CHST8: variants seen among roughly 807,000 people sequenced by gnomAD.
CHST8 encodes the protein carbohydrate sulfotransferase 8, also known as GALNAC-4-ST1.
In CHST8, 10 loss-of-function variants were observed where a neutral mutation model predicts 15.0. The observed-to-expected ratio is 0.67, with a 90% CI of 0.41 to 1.13. The LOEUF is 1.13. CHST8 is among the 50% of genes most tolerant of loss of function. The probability of loss-of-function intolerance (pLI) is 0.00; values close to 1 mark genes in which losing one functional copy is unlikely to be tolerated. For synonymous variants in CHST8, 259 were observed against 256.6 expected, an observed-to-expected ratio of 1.01 and a Z score of -0.09; for missense variants, 634 against 608.2, an observed-to-expected ratio of 1.04 and a Z score of -0.45.
At chr19:33,704,945 C>T (rs1973418546) in intron 3 of CHST8, among the ~76,000 whole-genome samples, 1 of 150,538 alleles carries the variant, frequency 6.6e-6, no homozygotes, top group Non-Finnish European at 1.5e-5. Context: ...CGGTAACATA[C>T]ATTTATGTGG....
chr19:33,762,681 G>T (rs1974759401), intron 3 of CHST8, among the ~76,000 whole-genome samples: 1 of 152,202 alleles, frequency 6.6e-6, no homozygotes, highest in South Asian at 2.1e-4. Flanking sequence ...CAACCAATGG[G>T]CTCTGGCTCT....
chr19:33,636,826 G>A (rs1972210081), intron 1 of CHST8, among the ~76,000 whole-genome samples: 1 of 152,106 alleles, frequency 6.6e-6, no homozygotes, highest in African/African-American at 2.4e-5. Flanking sequence ...GCTTGAACCC[G>A]GGAGGCGAAG....
chr19:33,679,355 T>C (rs986285545), intron 2 of CHST8, among the ~76,000 whole-genome samples: 6 of 152,218 alleles, frequency 3.9e-5, no homozygotes, highest in Admixed American at 1.3e-4. Flanking sequence ...CTTGGCAGGA[T>C]CCAGCAGCTC....
intron 3 of CHST8, among the ~76,000 whole-genome samples, chr19:33,767,746 C>T (rs575335786): frequency 1.2e-3 from 187 of 152,106 alleles, no homozygotes; most frequent in African/African-American, 4.3e-3. Flanking sequence ...GTGGGGTGTG[C>T]GTGGTTGGTC....
chr19:33,720,530 G>A (rs1304538385), intron 3 of CHST8, among the ~76,000 whole-genome samples: 2 of 152,162 alleles, frequency 1.3e-5, no homozygotes, highest in Non-Finnish European at 2.9e-5. Context: ...CACACGGAAT[G>A]CATGTAGCAA....
rs78329029 is a variant in CHST8 at position 33,695,512 on chromosome 19, G to A, written c.130+6121G>A. Among the ~76,000 whole-genome samples, 223 of 152,148 alleles carry A rather than the reference G, an allele frequency of 1.5e-3. 2 individuals are homozygous for A. Among genetic ancestry groups the A allele is most frequent in the African/African-American group, 2.7e-3 (112 of 41,494 alleles). ...TTAGGAGATTTTAGGGCACCCATTC[G>A]TCACCCAAGCAGTGTACACCATACC... is the stretch of plus-strand genomic sequence containing the variant. On this transcript the variant is annotated intron_variant, in intron 3 of 4. Coordinates refer to ENST00000650847, the MANE Select transcript of CHST8 (RefSeq NM_001127895.2).
At chr19:33,765,778 C>A (rs878952977) in intron 3 of CHST8, among the ~76,000 whole-genome samples, 13 of 152,176 alleles carry the variant, frequency 8.5e-5, no homozygotes, top group Non-Finnish European at 1.5e-4. Context: ...CCAGGATGGT[C>A]TTGATCTCTT....
intron 3 of CHST8, among the ~76,000 whole-genome samples, chr19:33,764,840 C>T (rs1233690979): frequency 6.6e-6 from 1 of 151,948 alleles, no homozygotes; most frequent in African/African-American, 2.4e-5. Flanking sequence ...ATCCTTCACC[C>T]CCTTCCCACC....
At chr19:33,634,025 G>A (rs1455449830) in intron 1 of CHST8, among the ~76,000 whole-genome samples, 1 of 151,836 alleles carries the variant, frequency 6.6e-6, no homozygotes, top group Non-Finnish European at 1.5e-5. Flanking sequence ...TCCCCATGTT[G>A]TCCAGGCTGG....
intron 3 of CHST8, among the ~76,000 whole-genome samples, chr19:33,698,776 G>A (rs568301859): frequency 1.3e-5 from 2 of 152,202 alleles, no homozygotes; most frequent in African/African-American, 4.8e-5. Flanking sequence ...CTCCTCCACC[G>A]AGGGGTGTCC....
At chr19:33,703,154 C>A (rs73926590) in intron 3 of CHST8, among the ~76,000 whole-genome samples, 18,373 of 152,216 alleles carry the variant, frequency 0.12, 1,793 homozygotes, top group African/African-American at 0.27. Context: ...CAAAGAGGCC[C>A]GAGGTAGGGG....
At chr19:33,654,334 A>G (rs1311867117) in intron 1 of CHST8, among the ~76,000 whole-genome samples, 1 of 151,992 alleles carries the variant, frequency 6.6e-6, no homozygotes, top group Admixed American at 6.6e-5. Context: ...CTCATCTTGG[A>G]TTCTAGTCTT....
chr19:33,657,619 G>A lies in CHST8; in HGVS notation c.-163-10148G>A, dbSNP rs193017621. 1.9e-3 allele frequency among the ~76,000 whole-genome samples: 288 copies of A among 151,906 alleles called. 5 individuals carry two copies. The East Asian group carries it at 0.025, about 13-fold the overall frequency. The stretch of plus-strand genomic sequence containing the variant: ...AAGTCTTGCTCTGTTGCTCAGGCTG[G>A]AATGTAGTGGTGCAATCATAGCTCA... On this transcript the variant is annotated intron_variant, in intron 1 of 4. Transcript: ENST00000650847.
At chr19:33,694,416 A>T (rs1242605715) in intron 3 of CHST8, among the ~76,000 whole-genome samples, 4 of 151,160 alleles carry the variant, frequency 2.6e-5, no homozygotes, top group African/African-American at 4.9e-5. Flanking sequence ...GACAGCAAAG[A>T]TCCCCCTCAG....
chr19:33,712,913 T>C (rs1973587074), intron 3 of CHST8, among the ~76,000 whole-genome samples: 1 of 152,156 alleles, frequency 6.6e-6, no homozygotes, highest in Non-Finnish European at 1.5e-5. Flanking sequence ...CATCTTCACT[T>C]TCAGGGACGT....
Position 33,772,770 on chromosome 19 carries a change from T to G in CHST8, c.982T>G (p.Trp328Gly). 3 of 1,613,436 alleles carry G rather than the reference T, an allele frequency of 1.9e-6. No individual in the cohort carries two copies. Among genetic ancestry groups the G allele is most frequent in the Non-Finnish European group, 2.5e-6 (3 of 1,180,028 alleles). ...CCGGCCCGTGGGGATGGACATTCACTGGGACCATGTCAGCCGGCTCTGCAG... is the reference window on the plus strand; with the variant it reads ...CCGGCCCGTGGGGATGGACATTCACGGGGACCATGTCAGCCGGCTCTGCAG... ...VHRPVGMDIHWDHVSRLCSPC... is the reference protein window; with the variant it reads ...VHRPVGMDIHGDHVSRLCSPC... Residue 328 changes from tryptophan to glycine, a missense_variant, in exon 5 of 5, where the codon TGG (tryptophan) becomes GGG (glycine). Transcript: ENST00000650847.
rs1031659996 is a variant in CHST8, at chr19:33,708,177, G to C, written c.130+18786G>C. Among the ~76,000 whole-genome samples the C allele has an allele frequency of 2.0e-5, 3 of 152,150 alleles. No individual in the cohort carries two copies. The South Asian group carries it at 6.2e-4, about 31-fold the overall frequency. ...GACTTGCAAATAACTTATCCCATCT[G>C]TGGCTTGTCTTTTCATTTTCTTAAT... On this transcript the variant is annotated intron_variant, in intron 3 of 4. Coordinates refer to ENST00000650847, the MANE Select transcript of CHST8 (RefSeq NM_001127895.2).
chr19:33,646,554 T>C (rs1972358632), intron 1 of CHST8, among the ~76,000 whole-genome samples: 1 of 152,216 alleles, frequency 6.6e-6, no homozygotes, highest in Middle Eastern at 3.2e-3. Flanking sequence ...TTCACAAAGG[T>C]GGCTTTAGTC....
At chr19:33,627,700 G>T (rs77129963) in intron 1 of CHST8, among the ~76,000 whole-genome samples, 9 of 152,230 alleles carry the variant, frequency 5.9e-5, no homozygotes, top group African/African-American at 2.2e-4. Context: ...AATCATCAAC[G>T]TTGAAACCTG....
Sources: gnomAD v4.1 joint callset for allele counts (sites outside exome capture counted in the v4.1 genomes callset) on GRCh38, gnomAD v4.1.1 for gene constraint, MANE v1.5 for transcripts, NCBI Gene and HGNC (gene_info 2026-07-23, HGNC 2026-07-21) for gene names.